FOXO1: variants seen among roughly 807,000 people sequenced by gnomAD.
The protein encoded by FOXO1 is forkhead box protein O1.
FOXO1 carries 6 observed loss-of-function variants against 44.1 expected under a neutral mutation model. That is an observed-to-expected ratio of 0.14 (90% CI 0.07 to 0.27). The LOEUF is 0.27. FOXO1 is among the 10% of genes least tolerant of loss of function. The pLI is 1.00. For synonymous variants in FOXO1, 380 were observed against 362.7 expected, an observed-to-expected ratio of 1.05 and a Z score of -0.54; for missense variants, 737 against 888.8, an observed-to-expected ratio of 0.83 and a Z score of 2.17.
chr13:40,583,787 GCTTT>G (rs1243629381), intron 1 of FOXO1, among the ~76,000 whole-genome samples: 1 of 152,172 alleles, frequency 6.6e-6, no homozygotes, highest in Non-Finnish European at 1.5e-5. Context: ...AGGCTGTTTT[GCTTT>G]CTTATAATTT....
At chr13:40,624,011 G>T (rs985759667) in intron 1 of FOXO1, among the ~76,000 whole-genome samples, 2 of 151,818 alleles carry the variant, frequency 1.3e-5, no homozygotes, top group African/African-American at 4.8e-5. Context: ...AGCTGAGGTG[G>T]GAGGATGGCT....
chr13:40,620,383 T>G (rs1876568353), intron 1 of FOXO1: 1 of 689,504 alleles, frequency 1.5e-6, no homozygotes, highest in Non-Finnish European at 2.6e-6. Flanking sequence ...CGGTCACGTA[T>G]TCAAACCTAT....
intron 1 of FOXO1, among the ~76,000 whole-genome samples, chr13:40,610,625 GA>G (rs554370240): frequency 2.6e-3 from 388 of 152,124 alleles, no homozygotes; most frequent in Non-Finnish European, 3.6e-3. Context: ...GTTTTTACAG[GA>G]AAATATAAAA....
chr13:40,597,815 G>C (rs3858869), intron 1 of FOXO1, among the ~76,000 whole-genome samples: 2,116 of 152,252 alleles, frequency 0.014, 61 homozygotes, highest in African/African-American at 0.049. Context: ...CCTTTTCAAA[G>C]GGATTAGAGG....
Position 40,666,553 on chromosome 13 carries a change from A to G in FOXO1, c.-341T>C, listed in dbSNP as rs1052269918. The G allele has an allele frequency of 2.9e-5, 7 of 244,114 alleles. No individual in the cohort carries two copies. Among genetic ancestry groups the G allele is most frequent in the Non-Finnish European group, 5.5e-5 (7 of 126,414 alleles). The allele number at this position is 244,114 out of a possible 1,614,324, so 15.1% of individuals were successfully genotyped here. On this transcript the variant is annotated 5_prime_UTR_variant, in exon 1 of 3. Transcript: ENST00000379561. ...ACGCCGCGGGCCGCTTGCTCTCCCC[A>G]GCGGCGCGCCCGCTGCGCTGCTGCC...
intron 1 of FOXO1, among the ~76,000 whole-genome samples, chr13:40,617,252 C>A (rs1410035075): frequency 9.9e-5 from 15 of 152,102 alleles, no homozygotes; most frequent in Admixed American, 9.8e-4. Context: ...TCGAGACCAG[C>A]CTGACCAACA....
chr13:40,566,851 T>C (rs1490531459), intron 1 of FOXO1, among the ~76,000 whole-genome samples: 1 of 152,228 alleles, frequency 6.6e-6, no homozygotes, highest in African/African-American at 2.4e-5. Context: ...GGTAGTCTTC[T>C]AGGAGCCTGA....
At chr13:40,637,254 C>G (rs895172051) in intron 1 of FOXO1, among the ~76,000 whole-genome samples, 1 of 152,026 alleles carries the variant, frequency 6.6e-6, no homozygotes. Context: ...GCCATCCTGG[C>G]TAACACGGTG....
chr13:40,603,186 CTTATT>C (rs1455506536), intron 1 of FOXO1, among the ~76,000 whole-genome samples: 2 of 151,874 alleles, frequency 1.3e-5, no homozygotes, highest in African/African-American at 4.8e-5. Flanking sequence ...TAAGATAAAT[CTTATT>C]TTATTACAGG....
At position 40,651,105 on chromosome 13, in the gene FOXO1, G is replaced by GT. The variant is rs777137995; in HGVS notation, c.630+14477dup. On this transcript the variant is annotated intron_variant, in intron 1 of 2. Coordinates refer to ENST00000379561, the MANE Select transcript of FOXO1 (RefSeq NM_002015.4). The stretch of plus-strand genomic sequence containing the variant: ...TTTGGTTTTTTGTTTTTTGTTTTTT[G>GT]TTTTTGTTTTTTTTTAAGAAACATG... Among the ~76,000 whole-genome samples, 243 of 132,944 alleles carry GT rather than the reference G, an allele frequency of 1.8e-3. 2 individuals carry two copies. Among genetic ancestry groups the GT allele is most frequent in the African/African-American group, 5.7e-3 (193 of 33,770 alleles). 87.2% of individuals were successfully genotyped at this position (132,944 alleles called of 152,430 possible).
At position 40,560,348 on chromosome 13, in the gene FOXO1, G is replaced by C; in HGVS notation, c.1143C>G (p.Leu381=). 3.7e-6 allele frequency: 6 copies of C among 1,614,176 alleles called. No homozygotes were observed. Among genetic ancestry groups the C allele is most frequent in the Non-Finnish European group, 5.1e-6 (6 of 1,180,040 alleles). ...MENLLDNLNL[L]SSPTSLTVST... is the part of the protein sequence containing the mutation. ...AAACAGTTAATGATGTTGGTGATGA[G>C]AGAAGGTTGAGATTATCCAAAAGAT... The change falls in exon 2 of 3, where the codon CTC becomes CTG. Residue 381 remains leucine, a synonymous_variant. Coordinates refer to ENST00000379561, the MANE Select transcript of FOXO1 (RefSeq NM_002015.4). The surrounding 1 kb of genome is among the most constrained non-coding windows in gnomAD (Gnocchi z 5.1).
At chr13:40,561,842 G>A (rs571211043) in intron 1 of FOXO1, among the ~76,000 whole-genome samples, 6 of 150,490 alleles carry the variant, frequency 4.0e-5, no homozygotes, top group East Asian at 2.0e-4. Flanking sequence ...GGTGGCAGGC[G>A]CCAGTAATCC....
intron 1 of FOXO1, among the ~76,000 whole-genome samples, chr13:40,629,025 T>C (rs778772928): frequency 3.9e-5 from 6 of 152,240 alleles, no homozygotes; most frequent in Non-Finnish European, 8.8e-5. Context: ...GCCCAAAGCC[T>C]TGTTCATTCA....
intron 1 of FOXO1, among the ~76,000 whole-genome samples, chr13:40,641,694 C>T (rs1877359219): frequency 6.6e-6 from 1 of 152,034 alleles, no homozygotes; most frequent in East Asian, 1.9e-4. Context: ...AGGTTAAAAA[C>T]CCACTGACAG....
At chr13:40,559,370 G>A in intron 2 of FOXO1, 139 bp downstream of exon 2, 1 of 743,940 alleles carries the variant, frequency 1.3e-6, no homozygotes, top group South Asian at 2.3e-5. Context: ...AAAAAGGACA[G>A]AGAATGAATG....
chr13:40,572,962 G>A (rs1034625706), intron 1 of FOXO1, among the ~76,000 whole-genome samples: 15 of 152,156 alleles, frequency 9.9e-5, no homozygotes, highest in Admixed American at 3.3e-4. Context: ...GACTCCAAAA[G>A]CAGCTCACAT....
chr13:40,614,091 A>C (rs898277817), intron 1 of FOXO1, among the ~76,000 whole-genome samples: 1 of 152,158 alleles, frequency 6.6e-6, no homozygotes, highest in Non-Finnish European at 1.5e-5. Flanking sequence ...ACTCTATTTC[A>C]GGAATAAGGA....
chr13:40,591,156 TAA>T (rs1446015523), intron 1 of FOXO1, among the ~76,000 whole-genome samples: 1 of 151,752 alleles, frequency 6.6e-6, no homozygotes, highest in African/African-American at 2.4e-5. Flanking sequence ...AGCTCAGAAA[TAA>T]AAGAGACTCT....
In FOXO1 at chr13:40,614,829, G is replaced by A. The variant is rs1876364788; in HGVS notation, c.630+50754C>T. Among the ~76,000 whole-genome samples, 4 of 152,314 alleles carry A rather than the reference G, an allele frequency of 2.6e-5. No homozygotes were observed. The South Asian group carries it at 8.3e-4, about 32-fold the overall frequency. ...CCAGGGCCCGCTGGATTTAAACTGT[G>A]TATAAAATAAGGCCAGTTACTTAAC... is the stretch of plus-strand genomic sequence containing the variant. On this transcript the variant is annotated intron_variant, in intron 1 of 2. Coordinates refer to ENST00000379561, the MANE Select transcript of FOXO1 (RefSeq NM_002015.4).
Sources: allele counts gnomAD v4.1 joint callset (sites outside exome capture counted in the v4.1 genomes callset), GRCh38; gene constraint gnomAD v4.1.1; non-coding constraint Gnocchi (gnomAD v3.1); transcripts MANE v1.5; gene names NCBI Gene and HGNC (gene_info 2026-07-23, HGNC 2026-07-21).